The following SLC14A2 variants were observed in gnomAD, a reference collection of about 807,000 sequenced individuals.
SLC14A2 encodes the protein urea transporter 2.
SLC14A2 carries 91 observed loss-of-function variants against 104.6 expected under a neutral mutation model. The ratio of observed to expected loss-of-function variants is 0.87; its 90% CI spans 0.73 to 1.04. The LOEUF is 1.04. Among genes scored for constraint, SLC14A2 ranks in the 50% least tolerant of loss-of-function variants. The pLI, the probability that SLC14A2 is intolerant of heterozygous loss-of-function variation, is 0.00. For synonymous variants in SLC14A2, 476 were observed against 466.4 expected (o/e 1.02, Z -0.27); for missense variants, 1,189 against 1,156.0 (o/e 1.03, Z -0.41).
At chr18:45,169,032 C>G in the SLC14A2 span, 1 of 152,102 alleles carries the variant, frequency 6.6e-6, no homozygotes, top group South Asian at 2.1e-4. Flanking sequence ...TAGGAGCCAC[C>G]TCTTGGTTGG....
At chr18:45,652,367 G>A (rs1184296266) in intron 10 of SLC14A2, among the ~76,000 whole-genome samples, 2 of 152,222 alleles carry the variant, frequency 1.3e-5, no homozygotes, top group South Asian at 4.1e-4. Flanking sequence ...CAAGAAGGGG[G>A]CAAGGGGGAA....
the SLC14A2 span, among the ~76,000 whole-genome samples, chr18:45,188,357 C>T: frequency 6.6e-6 from 1 of 152,110 alleles, no homozygotes; most frequent in Non-Finnish European, 1.5e-5. Context: ...CTAATTCATC[C>T]TGGCCATTGA....
At chr18:45,261,157 T>G (rs1315824280) in intron 1 of SLC14A2, among the ~76,000 whole-genome samples, 4 of 151,550 alleles carry the variant, frequency 2.6e-5, no homozygotes, top group Non-Finnish European at 5.9e-5. Flanking sequence ...ATGATATTCC[T>G]CCCCCCTGCC....
At position 45,453,075 on chromosome 18, in the gene SLC14A2, C is replaced by T. The variant is rs368323248; in HGVS notation, c.-124-30158C>T. The stretch of plus-strand genomic sequence containing the variant: ...AGACAACTGGTGCAACCAGGAATGT[C>T]CCAGTCAAACCAGGACCTAGATCTC... On this transcript the variant is annotated intron_variant, in intron 1 of 20. Coordinates refer to the SLC14A2 transcript ENST00000586448. 1.2e-4 allele frequency among the ~76,000 whole-genome samples: 18 copies of T among 152,292 alleles called. 2 individuals carry two copies. In the South Asian group the frequency reaches 3.7e-3, roughly 32 times the overall value.
At chr18:45,521,275 G>T (rs979865497) in intron 2 of SLC14A2, among the ~76,000 whole-genome samples, 8 of 152,170 alleles carry the variant, frequency 5.3e-5, no homozygotes, top group African/African-American at 1.9e-4. Context: ...AGTCCGACAG[G>T]GTTAAATGAC....
intron 2 of SLC14A2, among the ~76,000 whole-genome samples, chr18:45,563,619 A>G (rs761308495): frequency 2.0e-5 from 3 of 152,176 alleles, no homozygotes; most frequent in Non-Finnish European, 4.4e-5. Context: ...TTAAATGACT[A>G]TAATTTTTCA....
chr18:45,339,920 C>T (rs2085376704), intron 1 of SLC14A2, among the ~76,000 whole-genome samples: 1 of 152,224 alleles, frequency 6.6e-6, no homozygotes, highest in Admixed American at 6.5e-5. Context: ...GGCATATGGT[C>T]AGCTTCGCTG....
intron 1 of SLC14A2, among the ~76,000 whole-genome samples, chr18:45,406,686 A>C (rs1252324357): frequency 6.6e-6 from 1 of 152,214 alleles, no homozygotes; most frequent in Non-Finnish European, 1.5e-5. Flanking sequence ...TAACTCCTTG[A>C]TCCATAATAT....
chr18:45,657,335 A>G (rs2045852971), intron 10 of SLC14A2, among the ~76,000 whole-genome samples: 1 of 151,866 alleles, frequency 6.6e-6, no homozygotes, highest in Non-Finnish European at 1.5e-5. Flanking sequence ...CAAAAAAAAA[A>G]AATTAGCTAG....
At chr18:45,359,035 T>C (rs576562463) in intron 1 of SLC14A2, among the ~76,000 whole-genome samples, 1 of 152,290 alleles carries the variant, frequency 6.6e-6, no homozygotes, top group African/African-American at 2.4e-5. Flanking sequence ...GAAGCAAGGA[T>C]TCCTACACCT....
At position 45,669,427 on chromosome 18, in the gene SLC14A2, T is replaced by C. The variant is rs752195371; in HGVS notation, c.2158T>C (p.Phe720Leu). 19 of 1,614,140 alleles carry C rather than the reference T, an allele frequency of 1.2e-5. 1 individual carries two copies. In the South Asian group the frequency reaches 1.9e-4, roughly 16 times the overall value. ...AGCCACGGGCCACTACAACCTTTTC[T>C]TCCCCACAACGCTGCTGCAGCCTGC... Reference protein sequence around the residue: ...LAATGHYNLFFPTTLLQPASA... With the variant: ...LAATGHYNLFLPTTLLQPASA... The change falls in exon 16 of 20, where the codon TTC (phenylalanine) becomes CTC (leucine). Residue 720 changes from phenylalanine to leucine, a missense_variant. Physicochemically the swap from Phe to Leu is conservative, Grantham distance 22 (BLOSUM62 0). Transcript: ENST00000255226.
intron 7 of SLC14A2, 64 bp downstream of exon 7, chr18:45,639,957 C>T: frequency 1.4e-6 from 2 of 1,439,328 alleles, no homozygotes; most frequent in Non-Finnish European, 1.9e-6. Context: ...TTTTCCCCTA[C>T]ATACAGCAAA....
chr18:45,210,812 T>C (rs1240181535), upstream of SLC14A2, among the ~76,000 whole-genome samples: 5 of 152,228 alleles, frequency 3.3e-5, no homozygotes, highest in Non-Finnish European at 5.9e-5. Context: ...TAGGGTTGTA[T>C]TGAGCATAAC....
chr18:45,353,982 G>A (rs1568164133), intron 1 of SLC14A2, among the ~76,000 whole-genome samples: 1 of 152,186 alleles, frequency 6.6e-6, no homozygotes, highest in African/African-American at 2.4e-5. Flanking sequence ...TGGTGGAGAT[G>A]ATGGACAGTG....
intron 2 of SLC14A2, among the ~76,000 whole-genome samples, chr18:45,510,608 T>A (rs1420814165): frequency 6.6e-6 from 1 of 151,996 alleles, no homozygotes; most frequent in Non-Finnish European, 1.5e-5. Context: ...TCTAAGCCAA[T>A]GCCCCACCCA....
At chr18:45,457,477 C>T (rs1216685653) in intron 1 of SLC14A2, among the ~76,000 whole-genome samples, 3 of 152,160 alleles carry the variant, frequency 2.0e-5, no homozygotes, top group Non-Finnish European at 2.9e-5. Context: ...GTGTTGGTAG[C>T]TCATAGCTCG....
At chr18:45,470,440 T>C (rs1229783295) in intron 1 of SLC14A2, among the ~76,000 whole-genome samples, 1 of 152,248 alleles carries the variant, frequency 6.6e-6, no homozygotes, top group Non-Finnish European at 1.5e-5. Flanking sequence ...TTTACTTTTA[T>C]ATTTTTTAAT....
In SLC14A2 at chr18:45,667,054, C is replaced by T; in HGVS notation, c.1677C>T (p.Tyr559=). ...AAAGGGTCAGCAAAGCCCTCAGCTA[C>T]ATCACAGGAGAGATGAAGGAGTGTG... is the stretch of plus-strand genomic sequence containing the variant. ...SGKRVSKALS[Y]ITGEMKECGE... Residue 559 remains tyrosine, a synonymous_variant, in exon 13 of 20, where the codon TAC becomes TAT. Coordinates refer to ENST00000255226, the MANE Select transcript of SLC14A2 (RefSeq NM_007163.4). 2 of 1,613,874 alleles carry T rather than the reference C, an allele frequency of 1.2e-6. No homozygotes were observed. Among genetic ancestry groups the T allele is most frequent in the Non-Finnish European group, 1.7e-6 (2 of 1,179,782 alleles).
At chr18:45,655,177 C>T (rs751762160) in intron 10 of SLC14A2, among the ~76,000 whole-genome samples, 4 of 152,174 alleles carry the variant, frequency 2.6e-5, no homozygotes, top group Non-Finnish European at 5.9e-5. Flanking sequence ...TTACTGTAGA[C>T]CTAGTCTGTG....
Sources: gnomAD v4.1 joint callset for allele counts (sites outside exome capture counted in the v4.1 genomes callset) on GRCh38, gnomAD v4.1.1 for gene constraint, MANE v1.5 for transcripts, NCBI Gene and HGNC (gene_info 2026-07-23, HGNC 2026-07-21) for gene names.